The following FOXP2 variants were observed in gnomAD, a reference collection of about 807,000 sequenced individuals.
The protein encoded by FOXP2 is forkhead box protein P2.
In FOXP2, 12 loss-of-function variants were observed where a neutral mutation model predicts 115.8. The observed-to-expected ratio is 0.10, with a 90% CI of 0.07 to 0.17. FOXP2 has a LOEUF of 0.17. Ranked by LOEUF, FOXP2 falls within the 10% of genes least tolerant of loss-of-function variation. The probability of loss-of-function intolerance (pLI) is 1.00; values close to 1 mark genes in which losing one functional copy is unlikely to be tolerated. For missense variants in FOXP2, 629 were observed against 843.5 expected, an observed-to-expected ratio of 0.75 and a Z score of 3.15; for synonymous variants, 328 against 297.7, an observed-to-expected ratio of 1.10 and a Z score of -1.05.
At chr7:114,258,393 T>A (rs985485016) in intron 1 of FOXP2, among the ~76,000 whole-genome samples, 1 of 152,158 alleles carries the variant, frequency 6.6e-6, no homozygotes, top group African/African-American at 2.4e-5. Flanking sequence ...TTATGTCAAT[T>A]ATCTGGTGAA....
intron 1 of FOXP2, among the ~76,000 whole-genome samples, chr7:114,250,277 G>T (rs1290126155): frequency 2.0e-5 from 3 of 152,078 alleles, no homozygotes; most frequent in African/African-American, 7.2e-5. Context: ...TGTCTTTATA[G>T]CAGCATGATT....
intron 1 of FOXP2, among the ~76,000 whole-genome samples, chr7:114,213,456 A>G (rs1188775660): frequency 6.6e-6 from 1 of 152,222 alleles, no homozygotes; most frequent in Non-Finnish European, 1.5e-5. Context: ...AATAATATTC[A>G]CAATAACTTA....
In FOXP2 at chr7:114,254,556, C is replaced by T. The variant is rs560736858; in HGVS notation, c.-101-33463C>T. 2.0e-5 allele frequency among the ~76,000 whole-genome samples: 3 copies of T among 152,304 alleles called. No homozygotes were observed. The East Asian group carries it at 5.8e-4, about 29-fold the overall frequency. ...ATTTCATTCATTTGATCTTCAATCACTGATACCCTTTCTTCCAGTTGATCA... is the reference window on the plus strand; with the variant it reads ...ATTTCATTCATTTGATCTTCAATCATTGATACCCTTTCTTCCAGTTGATCA... On this transcript the variant is annotated intron_variant, in intron 1 of 17. Transcript: ENST00000634411.
intron 2 of FOXP2, among the ~76,000 whole-genome samples, chr7:114,353,000 T>A (rs1272413275): frequency 2.0e-5 from 3 of 152,110 alleles, no homozygotes; most frequent in South Asian, 2.1e-4. Flanking sequence ...TCTTACCCTG[T>A]CTGTAATGAG....
At chr7:114,273,984 T>G (rs1397468427) in intron 1 of FOXP2, among the ~76,000 whole-genome samples, 1 of 151,708 alleles carries the variant, frequency 6.6e-6, no homozygotes, top group Non-Finnish European at 1.5e-5. Flanking sequence ...TTTGTTGTCC[T>G]TGTTCTTTGT....
intron 13 of FOXP2, chr7:114,661,859 A>G: frequency 1.8e-6 from 1 of 556,812 alleles, no homozygotes; most frequent in Non-Finnish European, 3.1e-6. Flanking sequence ...ATAGCTTGGA[A>G]GGTTCTCTTA....
chr7:114,579,555 AT>A (rs1036935358), intron 3 of FOXP2, among the ~76,000 whole-genome samples: 51 of 148,584 alleles, frequency 3.4e-4, no homozygotes, highest in African/African-American at 1.1e-3. Context: ...ACCATATTCC[AT>A]TTTTTTTTCT....
intron 2 of FOXP2, among the ~76,000 whole-genome samples, chr7:114,348,977 G>T (rs1791413506): frequency 6.6e-6 from 1 of 151,930 alleles, no homozygotes; most frequent in East Asian, 1.9e-4. Context: ...GTAATATAAG[G>T]ACATAAATAT....
intron 3 of FOXP2, among the ~76,000 whole-genome samples, chr7:114,585,330 C>T (rs954452970): frequency 3.9e-5 from 6 of 152,108 alleles, no homozygotes; most frequent in African/African-American, 1.4e-4. Flanking sequence ...ATCTGTATTT[C>T]TACCAAGAGC....
At chr7:114,352,903 C>A (rs1235062321) in intron 2 of FOXP2, among the ~76,000 whole-genome samples, 3 of 152,092 alleles carry the variant, frequency 2.0e-5, no homozygotes, top group African/African-American at 7.2e-5. Flanking sequence ...AGTTTTCTAA[C>A]TGGAAGTCAC....
At chr7:114,334,204 A>G (rs1206248772) in intron 2 of FOXP2, among the ~76,000 whole-genome samples, 1 of 152,180 alleles carries the variant, frequency 6.6e-6, no homozygotes, top group Non-Finnish European at 1.5e-5. Flanking sequence ...TCAACTGTGT[A>G]TCATTGAAAG....
chr7:114,190,064 C>G (rs1475391358), intron 1 of FOXP2, among the ~76,000 whole-genome samples: 1 of 152,176 alleles, frequency 6.6e-6, no homozygotes, highest in Admixed American at 6.5e-5. Context: ...ACCCAGACAT[C>G]ACAAGGAAAA....
intron 2 of FOXP2, among the ~76,000 whole-genome samples, chr7:114,453,999 C>G (rs1025121508): frequency 2.8e-4 from 43 of 152,146 alleles, no homozygotes; most frequent in African/African-American, 9.9e-4. Context: ...AATGGCAACA[C>G]AAGACAAAAT....
intron 1 of FOXP2, among the ~76,000 whole-genome samples, chr7:114,184,259 G>C (rs1243567259): frequency 6.6e-6 from 1 of 152,004 alleles, no homozygotes; most frequent in Non-Finnish European, 1.5e-5. Context: ...ACCTCCTAAG[G>C]CATTTAACTG....
intron 2 of FOXP2, among the ~76,000 whole-genome samples, chr7:114,516,048 G>A (rs1584836007): frequency 6.6e-6 from 1 of 152,116 alleles, no homozygotes; most frequent in East Asian, 1.9e-4. Context: ...TCACAGAATT[G>A]GAAAAAACTA....
Position 114,569,363 on chromosome 7 carries a change from T to C in FOXP2, c.258+34657T>C, listed in dbSNP as rs145907860. On this transcript the variant is annotated intron_variant, in intron 3 of 16. Coordinates refer to ENST00000350908, the MANE Select transcript of FOXP2 (RefSeq NM_014491.4). Reference sequence around the variant, plus strand: ...TTAGGTTTAAATTGCAGTGTGAGAGTGTACTCTCCTCTTAGCTAATTAGTG... The same window carrying C: ...TTAGGTTTAAATTGCAGTGTGAGAGCGTACTCTCCTCTTAGCTAATTAGTG... Among the ~76,000 whole-genome samples the C allele has an allele frequency of 1.3e-3, 204 of 151,970 alleles. 2 individuals are homozygous for C. The highest frequency in any genetic ancestry group is 4.7e-3 in the African/African-American group (196 of 41,506).
chr7:114,586,010 G>T (rs1040930407), intron 3 of FOXP2, among the ~76,000 whole-genome samples: 3 of 151,382 alleles, frequency 2.0e-5, no homozygotes, highest in Non-Finnish European at 3.0e-5. Flanking sequence ...TTTGGTTGGG[G>T]TGTGTGTGTG....
intron 1 of FOXP2, among the ~76,000 whole-genome samples, chr7:114,259,782 A>G (rs1795702506): frequency 6.6e-6 from 1 of 152,204 alleles, no homozygotes; most frequent in Non-Finnish European, 1.5e-5. Flanking sequence ...AATAAATTCT[A>G]AATTATCACT....
intron 13 of FOXP2, 108 bp from the exon 14 acceptor site, chr7:114,661,957 G>A (rs913023951): frequency 1.5e-5 from 21 of 1,382,742 alleles, no homozygotes; most frequent in Non-Finnish European, 2.1e-5. Flanking sequence ...ACTTAAACAT[G>A]TTAAGATTTT....
Sources: gnomAD v4.1 joint callset for allele counts (sites outside exome capture counted in the v4.1 genomes callset) on GRCh38, gnomAD v4.1.1 for gene constraint, MANE v1.5 for transcripts, NCBI Gene and HGNC (gene_info 2026-07-23, HGNC 2026-07-21) for gene names.